Variants in ARHGAP6 observed in about 807,000 individuals in gnomAD.
ARHGAP6 encodes rho GTPase-activating protein 6.
ARHGAP6 carries 16 observed loss-of-function variants against 55.7 expected under a neutral mutation model. The observed-to-expected ratio is 0.29, with a 90% CI of 0.19 to 0.44. The LOEUF (loss-of-function observed/expected upper bound fraction) is 0.44. Ranked by LOEUF, ARHGAP6 falls within the 20% of genes least tolerant of loss-of-function variation. The pLI is 1.00. For missense variants in ARHGAP6, 698 were observed against 808.9 expected, an observed-to-expected ratio of 0.86 and a Z score of 1.66; for synonymous variants, 382 against 360.9, an observed-to-expected ratio of 1.06 and a Z score of -0.66.
intron 1 of ARHGAP6, among the ~76,000 whole-genome samples, chrX:11,272,801 C>G (rs2047707966): frequency 8.9e-6 from 1 of 112,041 alleles, no homozygotes; most frequent in South Asian, 3.7e-4. Flanking sequence ...ATATTTTGAA[C>G]AGTAGCACAG....
chrX:11,576,460 G>A (rs934183967), intron 1 of ARHGAP6, among the ~76,000 whole-genome samples: 3 of 111,807 alleles, frequency 2.7e-5, no homozygotes, highest in African/African-American at 9.7e-5. Context: ...TATTTCCACT[G>A]TTAGAATGTA....
At chrX:11,422,944 C>A (rs1053142692) in intron 1 of ARHGAP6, among the ~76,000 whole-genome samples, 2 of 111,671 alleles carry the variant, frequency 1.8e-5, no homozygotes, top group African/African-American at 6.5e-5. Context: ...AGGAAAATTT[C>A]TGCATGCAGC....
intron 1 of ARHGAP6, among the ~76,000 whole-genome samples, chrX:11,522,668 C>T (rs2050944038): frequency 9.0e-6 from 1 of 111,524 alleles, no homozygotes; most frequent in Non-Finnish European, 1.9e-5. Context: ...CACATACACC[C>T]TCCTAAGACT....
chrX:11,160,524 T>TA (rs1454737234), intron 9 of ARHGAP6, among the ~76,000 whole-genome samples: 1 of 111,037 alleles, frequency 9.0e-6, no homozygotes, highest in African/African-American at 3.3e-5. Flanking sequence ...AATAAACAGT[T>TA]AGAGTGCAAG....
chrX:11,368,478 A>G (rs1206732645), intron 1 of ARHGAP6, among the ~76,000 whole-genome samples: 1 of 111,924 alleles, frequency 8.9e-6, no homozygotes, highest in African/African-American at 3.3e-5. Flanking sequence ...TAGGGAGGGC[A>G]TGGTTTTGGC....
Position 11,608,813 on chromosome X carries a change from T to C in ARHGAP6, c.588+55428A>G, listed in dbSNP as rs1415939363. On this transcript the variant is annotated intron_variant, in intron 1 of 12. Transcript: ENST00000337414. ...TTGCTGCTGCCATGTAGGAAGTGCCTTTCACTTCCCACCATGATTCTGAGG... is the reference window on the plus strand; with the variant it reads ...TTGCTGCTGCCATGTAGGAAGTGCCCTTCACTTCCCACCATGATTCTGAGG... Among the ~76,000 whole-genome samples the C allele has an allele frequency of 2.7e-5, 3 of 111,533 alleles. No individual in the cohort carries two copies. The East Asian group carries it at 8.4e-4, about 31-fold the overall frequency.
intron 8 of ARHGAP6, among the ~76,000 whole-genome samples, chrX:11,177,465 T>C (rs1162483122): frequency 9.0e-6 from 1 of 110,783 alleles, no homozygotes; most frequent in Non-Finnish European, 1.9e-5. Flanking sequence ...CTTTGAGCAG[T>C]TGATACCATG....
chrX:11,277,440 A>AC (rs2047789195), intron 1 of ARHGAP6, among the ~76,000 whole-genome samples: 1 of 111,518 alleles, frequency 9.0e-6, no homozygotes, highest in Non-Finnish European at 1.9e-5. Context: ...CCAAAAACAA[A>AC]AAAAAAAAAC....
chrX:11,169,144 C>T (rs896618459), intron 9 of ARHGAP6: 52 of 134,600 alleles, frequency 3.9e-4, no homozygotes, highest in Non-Finnish European at 6.2e-4. Flanking sequence ...GGAGGTGAAA[C>T]CACTGAGGAT....
At chrX:11,483,302 A>C (rs2147839793) in intron 1 of ARHGAP6, among the ~76,000 whole-genome samples, 1 of 112,047 alleles carries the variant, frequency 8.9e-6, no homozygotes. Context: ...TGATTGTTGT[A>C]AACCACTCAT....
intron 1 of ARHGAP6, among the ~76,000 whole-genome samples, chrX:11,641,938 T>C (rs1229534239): frequency 9.0e-6 from 1 of 110,867 alleles, no homozygotes; most frequent in Non-Finnish European, 1.9e-5. Context: ...TTTCTCCCCA[T>C]GGAAAAAAAA....
intron 9 of ARHGAP6, among the ~76,000 whole-genome samples, chrX:11,162,850 CA>C (rs921508217): frequency 8.9e-6 from 1 of 112,000 alleles, no homozygotes; most frequent in African/African-American, 3.2e-5. Flanking sequence ...ACAAAAACTT[CA>C]AAACTTTTTG....
At chrX:11,212,692 G>A (rs1038515999) in intron 2 of ARHGAP6, among the ~76,000 whole-genome samples, 1 of 111,875 alleles carries the variant, frequency 8.9e-6, no homozygotes, top group African/African-American at 3.3e-5. Flanking sequence ...GATTTCAAAG[G>A]TTAGGTCATG....
At chrX:11,344,700 A>AAAAAG (rs1569308019) in intron 1 of ARHGAP6, among the ~76,000 whole-genome samples, 3 of 103,495 alleles carry the variant, frequency 2.9e-5, no homozygotes, top group Non-Finnish European at 3.9e-5. Flanking sequence ...AAAAAAAAAA[A>AAAAAG]AAAAGAAAAG....
intron 1 of ARHGAP6, among the ~76,000 whole-genome samples, chrX:11,339,678 A>C (rs1427635739): frequency 9.0e-6 from 1 of 111,731 alleles, no homozygotes; most frequent in African/African-American, 3.3e-5. Flanking sequence ...TAAAAGTTAA[A>C]TGATGACACA....
chrX:11,286,841 A>G (rs1226757437), intron 1 of ARHGAP6, among the ~76,000 whole-genome samples: 5 of 112,067 alleles, frequency 4.5e-5, no homozygotes, highest in Non-Finnish European at 7.5e-5. Flanking sequence ...CTCTATTTCT[A>G]TGAAATGTAC....
intron 1 of ARHGAP6, among the ~76,000 whole-genome samples, chrX:11,473,826 G>GA (rs1209504088): frequency 8.9e-6 from 1 of 111,958 alleles, no homozygotes; most frequent in Non-Finnish European, 1.9e-5. Context: ...AAGTACATGT[G>GA]AATTTCCTGT....
At chrX:11,444,818 G>A (rs2050076522) in intron 1 of ARHGAP6, among the ~76,000 whole-genome samples, 3 of 112,144 alleles carry the variant, frequency 2.7e-5, no homozygotes, top group Admixed American at 9.4e-5. Context: ...ATGTCCACTC[G>A]AGGCTTTAAC....
chrX:11,340,693 C>T (rs112577655), intron 1 of ARHGAP6, among the ~76,000 whole-genome samples: 1,238 of 103,073 alleles, frequency 0.012, 27 homozygotes, highest in African/African-American at 0.025. Flanking sequence ...CGCGCCACTG[C>T]ACTCCAGCCT....
Sources: gnomAD v4.1 joint callset for allele counts (sites outside exome capture counted in the v4.1 genomes callset) on GRCh38, gnomAD v4.1.1 for gene constraint, MANE v1.5 for transcripts, NCBI Gene and HGNC (gene_info 2026-07-23, HGNC 2026-07-21) for gene names.